Variants in TMTC2 observed in about 807,000 individuals in gnomAD.
The protein encoded by TMTC2 is protein O-mannosyl-transferase TMTC2.
In TMTC2, 43 loss-of-function variants were observed where a neutral mutation model predicts 82.4. That is an observed-to-expected ratio of 0.52 (90% CI 0.41 to 0.67). The LOEUF (loss-of-function observed/expected upper bound fraction) is 0.67, where lower values mean the gene tolerates loss of function less well. Ranked by LOEUF, TMTC2 falls within the 30% of genes least tolerant of loss-of-function variation. The pLI is 0.00. For synonymous variants in TMTC2, 408 were observed against 381.9 expected (o/e 1.07, Z -0.80); for missense variants, 919 against 1,012.4 (o/e 0.91, Z 1.25).
At chr12:82,848,026 C>A (rs80288586) in intron 1 of TMTC2, among the ~76,000 whole-genome samples, 1 of 151,962 alleles carries the variant, frequency 6.6e-6, no homozygotes, top group Non-Finnish European at 1.5e-5. Context: ...AAATAAGATG[C>A]CTTTTCAACT....
chr12:82,772,419 A>G lies in TMTC2; in HGVS notation c.84-84591A>G, dbSNP rs962219100. Among the ~76,000 whole-genome samples, 5 of 152,232 alleles carry G rather than the reference A, an allele frequency of 3.3e-5. No homozygotes were observed. The East Asian group carries it at 9.6e-4, about 29-fold the overall frequency. On this transcript the variant is annotated intron_variant, in intron 1 of 11. Transcript: ENST00000321196. ...ATCTAATGTTGTAGCCAGTAGCCAC[A>G]TGTGACAATTAAAATTAATTAAAAT...
intron 8 of TMTC2, chr12:83,021,972 C>T (rs1880950901): frequency 6.6e-6 from 1 of 152,048 alleles, no homozygotes; most frequent in African/African-American, 2.4e-5. Flanking sequence ...CACATAAATT[C>T]ATGAAGTGTT....
chr12:82,906,051 C>CTAT (rs1874288337), intron 3 of TMTC2, among the ~76,000 whole-genome samples: 1 of 151,580 alleles, frequency 6.6e-6, no homozygotes, highest in African/African-American at 2.4e-5. Flanking sequence ...ATTGGTGGTT[C>CTAT]TATTTCAATT....
chr12:83,071,578 A>G (rs1158336882), intron 11 of TMTC2, among the ~76,000 whole-genome samples: 3 of 152,090 alleles, frequency 2.0e-5, no homozygotes, highest in Admixed American at 6.6e-5. Flanking sequence ...ATTGGTACCA[A>G]TTCTTCTTTT....
Position 82,779,005 on chromosome 12 carries a change from C to A in TMTC2, c.84-78005C>A, listed in dbSNP as rs749743994. ...TGAGCCAGGATTGCACCACTGCACT[C>A]CAACCTGGGCGACAGAGCGAGACTC... On this transcript the variant is annotated intron_variant, in intron 1 of 11. Transcript: ENST00000321196. Among the ~76,000 whole-genome samples, 75 of 149,422 alleles carry A rather than the reference C, an allele frequency of 5.0e-4. 1 individual carries two copies. The highest frequency in any genetic ancestry group is 9.9e-4 in the Non-Finnish European group (67 of 67,454).
At chr12:83,077,600 A>G (rs995087340) in intron 11 of TMTC2, among the ~76,000 whole-genome samples, 2 of 151,922 alleles carry the variant, frequency 1.3e-5, no homozygotes, top group Non-Finnish European at 2.9e-5. Flanking sequence ...TTTGAAACAG[A>G]GTCTCACTCT....
At chr12:82,712,933 A>G (rs1274369029) in intron 1 of TMTC2, among the ~76,000 whole-genome samples, 1 of 152,130 alleles carries the variant, frequency 6.6e-6, no homozygotes, top group Non-Finnish European at 1.5e-5. Context: ...AGTTGTCACA[A>G]AAGCTGAGGG....
intron 1 of TMTC2, among the ~76,000 whole-genome samples, chr12:82,810,595 CTG>C (rs1420211911): frequency 6.6e-6 from 1 of 151,978 alleles, no homozygotes; most frequent in Non-Finnish European, 1.5e-5. Flanking sequence ...CAGAAATTAA[CTG>C]TTTTTCATTC....
At chr12:82,717,418 A>T (rs2136921684) in intron 1 of TMTC2, among the ~76,000 whole-genome samples, 1 of 151,880 alleles carries the variant, frequency 6.6e-6, no homozygotes, top group African/African-American at 2.4e-5. Flanking sequence ...TTTAGTAGAG[A>T]TGGGGTTTTA....
chr12:83,042,747 G>A (rs1260029758), intron 9 of TMTC2, among the ~76,000 whole-genome samples: 3 of 152,174 alleles, frequency 2.0e-5, no homozygotes, highest in Non-Finnish European at 2.9e-5. Flanking sequence ...ATTCAGTAAA[G>A]TACTTCAAAC....
chr12:82,960,572 A>G (rs1003489566), intron 4 of TMTC2, among the ~76,000 whole-genome samples: 1 of 152,018 alleles, frequency 6.6e-6, no homozygotes, highest in Non-Finnish European at 1.5e-5. Context: ...GCAACTAAAT[A>G]TTGGATATTC....
chr12:82,881,210 G>A (rs1484579016), intron 2 of TMTC2, among the ~76,000 whole-genome samples: 1 of 152,172 alleles, frequency 6.6e-6, no homozygotes, highest in Non-Finnish European at 1.5e-5. Context: ...TGTTTTAACT[G>A]ATTTGAAGTA....
At chr12:82,986,146 A>T (rs1388240683) in intron 8 of TMTC2, 100 bp downstream of exon 8, 1 of 1,512,588 alleles carries the variant, frequency 6.6e-7, no homozygotes, top group South Asian at 1.1e-5. Flanking sequence ...TATCTAAGCT[A>T]TTAGGGATGC....
At chr12:82,949,815 G>A (rs144660223) in intron 4 of TMTC2, among the ~76,000 whole-genome samples, 2 of 152,024 alleles carry the variant, frequency 1.3e-5, no homozygotes, top group Non-Finnish European at 2.9e-5. Context: ...TATCTCACTG[G>A]CAACCACGTC....
chr12:82,864,952 C>T lies in TMTC2; in HGVS notation c.654+7372C>T, dbSNP rs191085002. 4.0e-5 allele frequency among the ~76,000 whole-genome samples: 6 copies of T among 150,638 alleles called. No homozygotes were observed. In the East Asian group the frequency reaches 7.9e-4, roughly 20 times the overall value. On this transcript the variant is annotated intron_variant, in intron 2 of 11. Coordinates refer to ENST00000321196, the MANE Select transcript of TMTC2 (RefSeq NM_152588.3). ...TTTCTCAGCTGGGTGCAGTGGCTCA[C>T]GCCTGTAATCCCAGCACTTTGAGAG...
chr12:82,900,709 TG>T (rs1873944572), intron 3 of TMTC2, among the ~76,000 whole-genome samples: 19 of 140,146 alleles, frequency 1.4e-4, no homozygotes, highest in African/African-American at 5.0e-4. Flanking sequence ...TATATATCTC[TG>T]GAATATATAT....
chr12:82,762,567 A>G (rs566314364), intron 1 of TMTC2, among the ~76,000 whole-genome samples: 153 of 152,314 alleles, frequency 1.0e-3, no homozygotes, highest in Admixed American at 2.5e-3. Context: ...GAGATAAAGA[A>G]GAGAGAGTCA....
chr12:82,901,764 G>C lies in TMTC2; in HGVS notation c.1483+5118G>C, dbSNP rs116176865. Among the ~76,000 whole-genome samples, 1,446 of 152,128 alleles carry C rather than the reference G, an allele frequency of 9.5e-3. 20 individuals carry two copies. The highest frequency in any genetic ancestry group is 0.033 in the African/African-American group (1,382 of 41,488). ...CTGGTTAGGAGTTGGACTGTATTTT[G>C]CTATAGCCGTGGGTGCCAGAGATGC... is the stretch of plus-strand genomic sequence containing the variant. On this transcript the variant is annotated intron_variant, in intron 3 of 11. Coordinates refer to ENST00000321196, the MANE Select transcript of TMTC2 (RefSeq NM_152588.3).
chr12:82,929,594 C>G (rs1875914604), intron 3 of TMTC2, among the ~76,000 whole-genome samples: 1 of 152,118 alleles, frequency 6.6e-6, no homozygotes, highest in Non-Finnish European at 1.5e-5. Flanking sequence ...CTAAATATAT[C>G]TCAACACACA....
Sources: gnomAD v4.1 joint callset for allele counts (sites outside exome capture counted in the v4.1 genomes callset) on GRCh38, gnomAD v4.1.1 for gene constraint, MANE v1.5 for transcripts, NCBI Gene and HGNC (gene_info 2026-07-23, HGNC 2026-07-21) for gene names.